Variants in TSHZ3 observed in about 807,000 individuals in gnomAD.
The protein encoded by TSHZ3 is teashirt homolog 3.
A neutral mutation model predicts 64.5 loss-of-function variants in TSHZ3; 10 were observed. The ratio of observed to expected loss-of-function variants is 0.16; its 90% CI spans 0.10 to 0.26. The LOEUF (loss-of-function observed/expected upper bound fraction) is 0.26, where lower values mean the gene tolerates loss of function less well. TSHZ3 is among the 10% of genes least tolerant of loss of function. The probability of loss-of-function intolerance (pLI) is 1.00; values close to 1 mark genes in which losing one functional copy is unlikely to be tolerated. For synonymous variants in TSHZ3, 608 were observed against 593.1 expected (o/e 1.03, Z -0.36); for missense variants, 1,242 against 1,421.7 (o/e 0.87, Z 2.03).
chr19:31,275,806 A>C lies in TSHZ3; in HGVS notation c.*741T>G, dbSNP rs1976220018. 6.6e-6 allele frequency: 1 copy of C among 152,640 alleles called. No homozygotes were observed. Among genetic ancestry groups the C allele is most frequent in the African/African-American group, 2.4e-5 (1 of 41,440 alleles). 9.5% of individuals were successfully genotyped at this position (152,640 alleles called of 1,614,324 possible). A position where few individuals can be genotyped will look rare whatever the true frequency, so the allele number is the denominator to read the frequency against. ...AAAACAAAACCCATAGACCTTAAAA[A>C]AAAGAAAAAAAGAAATATACACTAT... On this transcript the variant is annotated 3_prime_UTR_variant, in exon 2 of 2. Coordinates refer to ENST00000240587, the MANE Select transcript of TSHZ3 (RefSeq NM_020856.4).
chr19:31,312,981 G>A (rs1311886093), intron 1 of TSHZ3, among the ~76,000 whole-genome samples: 1 of 151,830 alleles, frequency 6.6e-6, no homozygotes, highest in African/African-American at 2.4e-5. Context: ...ATTTATAGGA[G>A]TGACACACTT....
At chr19:31,313,681 G>C (rs776210780) in intron 1 of TSHZ3, among the ~76,000 whole-genome samples, 3 of 152,218 alleles carry the variant, frequency 2.0e-5, no homozygotes, top group African/African-American at 7.2e-5. Flanking sequence ...GGACAGATTG[G>C]TGAGAGTCCC....
intron 1 of TSHZ3, among the ~76,000 whole-genome samples, chr19:31,300,055 C>T (rs959007418): frequency 3.9e-5 from 6 of 152,064 alleles, no homozygotes; most frequent in African/African-American, 1.4e-4. Flanking sequence ...TATGTGTGAG[C>T]ACGCGAGAGA....
intron 1 of TSHZ3, among the ~76,000 whole-genome samples, chr19:31,338,682 G>A (rs927332295): frequency 1.3e-5 from 2 of 148,938 alleles, no homozygotes; most frequent in Non-Finnish European, 3.0e-5. Context: ...TGTTTTGTAC[G>A]TGACTGCTTC....
At chr19:31,304,548 C>G (rs1976807977) in intron 1 of TSHZ3, among the ~76,000 whole-genome samples, 1 of 151,988 alleles carries the variant, frequency 6.6e-6, no homozygotes, top group Non-Finnish European at 1.5e-5. Context: ...ATATCAAAAC[C>G]TGAAAATGTA....
chr19:31,168,840 TG>T lies in TSHZ3; in HGVS notation n.810-12424del, dbSNP rs553258456. 4.9e-4 allele frequency among the ~76,000 whole-genome samples: 75 copies of T among 152,316 alleles called. 2 individuals carry two copies. Among genetic ancestry groups the T allele is most frequent in the African/African-American group, 1.8e-3 (73 of 41,568 alleles). ...CCGTAGGACGTAGTCTGTGGCCTGCTGCATACTTGGATAGTGTGGGGTGTAT... is the reference window on the plus strand; with the variant it reads ...CCGTAGGACGTAGTCTGTGGCCTGCTCATACTTGGATAGTGTGGGGTGTAT... On this transcript the variant is annotated intron_variant and non_coding_transcript_variant, in intron 5 of 6. Coordinates refer to the TSHZ3 transcript ENST00000651361.
In TSHZ3 at chr19:31,279,161, G is replaced by A; in HGVS notation, c.632C>T (p.Ala211Val). Residue 211 changes from alanine (A) to valine (V), a missense_variant, in exon 2 of 2, where the codon GCC becomes GTC. This residue lies in a region of TSHZ3 where 555 missense variants were observed against 704.0 expected (regional missense o/e 0.79). Transcript: ENST00000240587. This position sits in a 1 kb window ranked among gnomAD's most constrained non-coding sequence, Gnocchi z 6.4. The stretch of plus-strand genomic sequence containing the variant: ...GCAGTCCTTACAGCGGAACTTGCTG[G>A]CCCCCGTGAAGATGGAGCCATAGAG... ...SKLYGSIFTG[A>V]SKFRCKDCSA... The A allele has an allele frequency of 6.2e-7, 1 of 1,612,760 alleles. No homozygotes were observed. Among genetic ancestry groups the A allele is most frequent in the East Asian group, 2.2e-5 (1 of 44,824 alleles).
intron 1 of TSHZ3, among the ~76,000 whole-genome samples, chr19:31,347,211 G>A (rs1176913509): frequency 1.4e-5 from 2 of 147,914 alleles, no homozygotes; most frequent in Admixed American, 1.3e-4. Flanking sequence ...AAAAAAGTGT[G>A]AAAAGGTTAG....
rs547193315 is a variant in TSHZ3 at position 31,254,919 on chromosome 19, G to A, written n.64-12044C>T. On this transcript the variant is annotated intron_variant and non_coding_transcript_variant, in intron 1 of 6. Coordinates refer to the TSHZ3 transcript ENST00000651361. Reference sequence around the variant, plus strand: ...CTGCAGCATCTAAAAGCTATCACCTGGCCAGCATCTGGAGAAGGTGGTGCT... The same window carrying A: ...CTGCAGCATCTAAAAGCTATCACCTAGCCAGCATCTGGAGAAGGTGGTGCT... Among the ~76,000 whole-genome samples, 87 of 152,332 alleles carry A rather than the reference G, an allele frequency of 5.7e-4. No homozygotes were observed. The South Asian group carries it at 0.017, about 29-fold the overall frequency.
intron 1 of TSHZ3, among the ~76,000 whole-genome samples, chr19:31,300,257 G>A (rs896927674): frequency 7.2e-5 from 11 of 152,136 alleles, no homozygotes; most frequent in African/African-American, 2.7e-4. Flanking sequence ...AAATCTATAC[G>A]TGCTGTACAC....
rs887328196 is a variant in TSHZ3 at position 31,348,997 on chromosome 19, G to T, written c.40+183C>A. On this transcript the variant is annotated intron_variant, in intron 1 of 1. Transcript: ENST00000240587. ...GAGAGGGAAGAGGGCAGAGCGCGGC[G>T]GGGCGTCCGGGGGGCGCCCGGTACC... is the stretch of plus-strand genomic sequence containing the variant. The T allele has an allele frequency of 7.2e-6, 5 of 696,490 alleles. No individual in the cohort carries two copies. In the Admixed American group the frequency reaches 1.0e-4, roughly 15 times the overall value. 43.1% of individuals were successfully genotyped at this position (696,490 alleles called of 1,614,324 possible). A position where few individuals can be genotyped will look rare whatever the true frequency, so the allele number is the denominator to read the frequency against.
intron 5 of TSHZ3, chr19:31,204,909 C>T (rs1412546751): frequency 6.6e-6 from 1 of 152,262 alleles, no homozygotes; most frequent in African/African-American, 2.4e-5. Context: ...TGGACAGCCC[C>T]ATAGGCACTC....
At chr19:31,293,972 G>A (rs1976620172) in intron 1 of TSHZ3, among the ~76,000 whole-genome samples, 1 of 152,122 alleles carries the variant, frequency 6.6e-6, no homozygotes, top group South Asian at 2.1e-4. Context: ...CGTGCTCTCT[G>A]ACTTCCCATG....
At chr19:31,314,224 G>T (rs1229301571) in intron 1 of TSHZ3, among the ~76,000 whole-genome samples, 1 of 152,196 alleles carries the variant, frequency 6.6e-6, no homozygotes, top group Non-Finnish European at 1.5e-5. Context: ...CAGTCTGCAC[G>T]AGAGATGCTG....
intron 1 of TSHZ3, among the ~76,000 whole-genome samples, chr19:31,296,321 C>T (rs1976658562): frequency 2.1e-5 from 3 of 140,390 alleles, no homozygotes; most frequent in Admixed American, 1.5e-4. Context: ...GCTGGAAGTG[C>T]TGTGAATTTT....
At chr19:31,306,140 G>A (rs1916283943) in intron 1 of TSHZ3, among the ~76,000 whole-genome samples, 1 of 152,160 alleles carries the variant, frequency 6.6e-6, no homozygotes, top group South Asian at 2.1e-4. Flanking sequence ...ACGAGACGAC[G>A]GCACACCCAC....
At chr19:31,323,430 C>A (rs1469939767) in intron 1 of TSHZ3, among the ~76,000 whole-genome samples, 1 of 152,194 alleles carries the variant, frequency 6.6e-6, no homozygotes, top group Non-Finnish European at 1.5e-5. Flanking sequence ...ACATTTATTC[C>A]AGATGTGAAG....
At chr19:31,317,378 A>T (rs954574101) in intron 1 of TSHZ3, among the ~76,000 whole-genome samples, 1 of 152,220 alleles carries the variant, frequency 6.6e-6, no homozygotes, top group Non-Finnish European at 1.5e-5. Flanking sequence ...TGAACAGTGC[A>T]GGCTCTTGAT....
intron 1 of TSHZ3, among the ~76,000 whole-genome samples, chr19:31,246,617 GA>G (rs1975760468): frequency 6.6e-6 from 1 of 152,094 alleles, no homozygotes; most frequent in South Asian, 2.1e-4. Context: ...AGGAAGGGAG[GA>G]AGGGAGAGAG....
Sources: allele counts gnomAD v4.1 joint callset (sites outside exome capture counted in the v4.1 genomes callset), GRCh38; gene constraint gnomAD v4.1.1; regional missense constraint gnomAD v4.1.1; non-coding constraint Gnocchi (gnomAD v3.1); transcripts MANE v1.5; gene names NCBI Gene and HGNC (gene_info 2026-07-23, HGNC 2026-07-21).